Variants in LRIG2 observed in about 807,000 individuals in gnomAD.
The protein encoded by LRIG2 is leucine rich repeats and immunoglobulin like domains 2.
Under a neutral mutation model 107.8 loss-of-function variants are expected in LRIG2, and 93 were observed. The observed-to-expected ratio is 0.86, with a 90% CI of 0.73 to 1.03. The LOEUF is 1.03. Ranked by LOEUF, LRIG2 falls within the 50% of genes least tolerant of loss-of-function variation. The pLI, the probability that LRIG2 is intolerant of heterozygous loss-of-function variation, is 0.00. For missense variants in LRIG2, 1,226 were observed against 1,296.0 expected (o/e 0.95, Z 0.83); for synonymous variants, 471 against 470.6 (o/e 1.00, Z -0.01).
intron 1 of LRIG2, among the ~76,000 whole-genome samples, chr1:113,080,767 T>C (rs745667026): frequency 6.6e-6 from 1 of 152,096 alleles, no homozygotes; most frequent in Non-Finnish European, 1.5e-5. Flanking sequence ...ATCAGGGCAT[T>C]ATCTTAGCTA....
chr1:113,075,031 A>T (rs1652903932), intron 1 of LRIG2, among the ~76,000 whole-genome samples: 1 of 151,882 alleles, frequency 6.6e-6, no homozygotes. Context: ...CAACCTGACC[A>T]ACATGGAGAA....
chr1:113,120,505 ATTTTT>A (rs751770841), intron 17 of LRIG2, among the ~76,000 whole-genome samples: 1 of 126,276 alleles, frequency 7.9e-6, no homozygotes, highest in South Asian at 2.6e-4. Flanking sequence ...TACTGAGAAG[ATTTTT>A]TTTTTTTTTT....
intron 11 of LRIG2, among the ~76,000 whole-genome samples, chr1:113,102,417 C>T (rs1654345630): frequency 6.6e-6 from 1 of 151,390 alleles, no homozygotes. Context: ...TACAGGTGCC[C>T]CCCAACCACG....
At chr1:113,093,603 CAT>C (rs1653920003) in intron 4 of LRIG2, 39 bp downstream of exon 4, 1 of 1,225,878 alleles carries the variant, frequency 8.2e-7, no homozygotes, top group Non-Finnish European at 1.1e-6. Context: ...CTTTAAAGCA[CAT>C]GTTTATGGGG....
Position 113,116,546 on chromosome 1 carries a change from A to G in LRIG2, c.2680+110A>G, listed in dbSNP as rs1007107404. ...AGCAATATTTTAAAGTAAGATACCTAATGAAAGCATTTAGCCACATGCAAA... is the reference window on the plus strand; with the variant it reads ...AGCAATATTTTAAAGTAAGATACCTGATGAAAGCATTTAGCCACATGCAAA... On this transcript the variant is annotated intron_variant, in intron 16 of 17. Coordinates refer to ENST00000361127, the MANE Select transcript of LRIG2 (RefSeq NM_014813.3). 7.7e-6 allele frequency: 8 copies of G among 1,040,876 alleles called. No homozygotes were observed. The African/African-American group carries it at 1.1e-4, about 15-fold the overall frequency. 64.5% of individuals were successfully genotyped at this position (1,040,876 alleles called of 1,614,324 possible). A position where few individuals can be genotyped will look rare whatever the true frequency, so the allele number is the denominator to read the frequency against.
chr1:113,113,786 C>G (rs1654880980), intron 14 of LRIG2, among the ~76,000 whole-genome samples: 1 of 151,906 alleles, frequency 6.6e-6, no homozygotes, highest in South Asian at 2.1e-4. Context: ...TGGTCTCGAA[C>G]TCCTGACCTC....
intron 15 of LRIG2, among the ~76,000 whole-genome samples, chr1:113,115,233 G>A (rs1654953710): frequency 6.6e-6 from 1 of 152,192 alleles, no homozygotes; most frequent in South Asian, 2.1e-4. Flanking sequence ...TTGTTTATTT[G>A]AGATAGGGTG....
chr1:113,117,090 C>T (rs576501348), intron 16 of LRIG2, among the ~76,000 whole-genome samples: 2 of 152,322 alleles, frequency 1.3e-5, no homozygotes, highest in East Asian at 1.9e-4. Flanking sequence ...CATCCCAACA[C>T]GTAGAGATGC....
In LRIG2 at chr1:113,112,485, C is replaced by T. The variant is rs1308294146; in HGVS notation, c.1805C>T (p.Pro602Leu). The part of the protein sequence containing the change: ...QKAKLTVNEM[P>L]SFLKTPMDLT... ...GTGATTTTTCTGGAAACAGAGATGC[C>T]ATCTTTTCTGAAAACGCCAATGGAT... The change falls in exon 14 of 18, where the codon CCA becomes CTA. Residue 602 changes from proline (P) to leucine (L), a missense_variant. By Grantham distance (98) the Pro-to-Leu change is moderately conservative. Around this residue, in one of 3 missense-constraint regions of LRIG2, gnomAD observed 642 missense variants for 712.2 expected, o/e 0.90. Coordinates refer to ENST00000361127, the MANE Select transcript of LRIG2 (RefSeq NM_014813.3). 2.5e-6 allele frequency: 4 copies of T among 1,596,420 alleles called. No homozygotes were observed. Among genetic ancestry groups the T allele is most frequent in the Non-Finnish European group, 8.6e-7 (1 of 1,166,718 alleles).
At chr1:113,118,806 C>T (rs975975548) in intron 16 of LRIG2, among the ~76,000 whole-genome samples, 1 of 151,992 alleles carries the variant, frequency 6.6e-6, no homozygotes, top group Non-Finnish European at 1.5e-5. Context: ...CTGGGACTAC[C>T]GGTGCACGCC....
intron 14 of LRIG2, among the ~76,000 whole-genome samples, chr1:113,113,527 CATTTATTTATTTATTTATTTATTT>C (rs71590539): frequency 1.0e-4 from 14 of 138,490 alleles, no homozygotes; most frequent in East Asian, 2.1e-4. Flanking sequence ...AATAAGAAGT[CATTTATTTATTTATTTATTTATTT>C]ATTTATTTAT....
rs66524955 is a variant in LRIG2 at position 113,123,727 on chromosome 1, T to TTG, written c.2972-115_2972-114dup. The stretch of plus-strand genomic sequence containing the variant: ...AAAGACCATGTTCTGGTGGTGGTTT[T>TTG]TGTGTGTGTGTGTGTGTGTGTGTGT... On this transcript the variant is annotated intron_variant, in intron 17 of 17. Transcript: ENST00000361127. The TTG allele has an allele frequency of 3.1e-3, 1,841 of 596,996 alleles. 19 individuals are homozygous for TTG. The highest frequency in any genetic ancestry group is 0.026 in the African/African-American group (1,345 of 51,244). 37.0% of individuals were successfully genotyped at this position (596,996 alleles called of 1,614,324 possible).
chr1:113,093,387 G>C, intron 3 of LRIG2, 43 bp from the exon 4 acceptor site: 1 of 1,608,304 alleles, frequency 6.2e-7, no homozygotes, highest in Non-Finnish European at 8.5e-7. Flanking sequence ...GTGGCCTGGG[G>C]TGGATCAGTG....
chr1:113,090,548 A>T (rs1040615112), intron 1 of LRIG2, among the ~76,000 whole-genome samples: 10 of 151,798 alleles, frequency 6.6e-5, no homozygotes, highest in African/African-American at 1.2e-4. Flanking sequence ...TATTAAAAAA[A>T]TTTTTTTGGC....
chr1:113,106,885 C>T (rs925631318), intron 11 of LRIG2, among the ~76,000 whole-genome samples: 5 of 152,104 alleles, frequency 3.3e-5, no homozygotes, highest in African/African-American at 7.2e-5. Flanking sequence ...TCTCAATGCT[C>T]CAATATATAG....
intron 1 of LRIG2, among the ~76,000 whole-genome samples, chr1:113,074,363 G>T (rs6670587): frequency 0.077 from 11,685 of 152,174 alleles, 1,144 homozygotes; most frequent in African/African-American, 0.23. Context: ...TATTTATGTA[G>T]GTAAAGCAGG....
chr1:113,100,126 A>AT (rs1317977335), intron 9 of LRIG2, 85 bp from the exon 10 acceptor site: 3 of 761,738 alleles, frequency 3.9e-6, no homozygotes, highest in Non-Finnish European at 6.2e-6. Flanking sequence ...CGCTACGCTT[A>AT]TTTTCACTTT....
chr1:113,122,626 CGTAA>C (rs1196725272), intron 17 of LRIG2, among the ~76,000 whole-genome samples: 3 of 152,030 alleles, frequency 2.0e-5, no homozygotes, highest in Non-Finnish European at 2.9e-5. Context: ...TAATCTGGTC[CGTAA>C]GTAAGGAAAT....
At chr1:113,118,090 T>C (rs1655092601) in intron 16 of LRIG2, among the ~76,000 whole-genome samples, 1 of 152,100 alleles carries the variant, frequency 6.6e-6, no homozygotes, top group Non-Finnish European at 1.5e-5. Context: ...CGGCTTATTT[T>C]GTATTTTTAG....
Sources: allele counts gnomAD v4.1 joint callset (sites outside exome capture counted in the v4.1 genomes callset), GRCh38; gene constraint gnomAD v4.1.1; regional missense constraint gnomAD v4.1.1; transcripts MANE v1.5; gene names NCBI Gene and HGNC (gene_info 2026-07-23, HGNC 2026-07-21).